The following KREMEN1 variants were observed in gnomAD, a reference collection of about 807,000 sequenced individuals.
KREMEN1 encodes kremen protein 1.
KREMEN1 carries 30 observed loss-of-function variants against 46.5 expected under a neutral mutation model. The ratio of observed to expected loss-of-function variants is 0.65; its 90% confidence interval spans 0.48 to 0.88. The LOEUF is 0.88. KREMEN1 is among the 40% of genes least tolerant of loss of function. The pLI is 0.00. For synonymous variants in KREMEN1, 214 were observed against 230.6 expected, an observed-to-expected ratio of 0.93 and a Z score of 0.65; for missense variants, 533 against 596.9, an observed-to-expected ratio of 0.89 and a Z score of 1.11.
intron 9 of KREMEN1, among the ~76,000 whole-genome samples, chr22:29,152,550 G>A (rs867694866): frequency 3.3e-5 from 5 of 152,114 alleles, no homozygotes; most frequent in Admixed American, 6.5e-5. Context: ...CCTTCTGTGC[G>A]CTGACTTACT....
intron 9 of KREMEN1, among the ~76,000 whole-genome samples, chr22:29,160,924 C>A (rs2039004848): frequency 6.6e-6 from 1 of 152,132 alleles, no homozygotes; most frequent in South Asian, 2.1e-4. Context: ...TACAAAGAAT[C>A]AGCAAAACCA....
chr22:29,137,236 C>T, intron 5 of KREMEN1, 106 bp from the exon 6 acceptor site: 1 of 748,208 alleles, frequency 1.3e-6, no homozygotes, highest in Non-Finnish European at 2.1e-6. Context: ...AAACAATGTC[C>T]TAAATGGGAT....
intron 5 of KREMEN1, among the ~76,000 whole-genome samples, chr22:29,131,738 G>GTA (rs1290213953): frequency 9.9e-5 from 13 of 131,974 alleles, no homozygotes; most frequent in East Asian, 8.4e-4. Flanking sequence ...GTATATATGT[G>GTA]TATATATATG....
At chr22:29,091,690 A>G (rs2037808713) in intron 1 of KREMEN1, among the ~76,000 whole-genome samples, 1 of 152,158 alleles carries the variant, frequency 6.6e-6, no homozygotes, top group Non-Finnish European at 1.5e-5. Context: ...TGGGATTGGG[A>G]TAGAGCTCTG....
At chr22:29,101,326 T>G (rs2037973459) in intron 3 of KREMEN1, among the ~76,000 whole-genome samples, 1 of 151,736 alleles carries the variant, frequency 6.6e-6, no homozygotes, top group Admixed American at 6.6e-5. Flanking sequence ...GTGTTTGTGT[T>G]GTAAGCTAAG....
intron 1 of KREMEN1, among the ~76,000 whole-genome samples, chr22:29,092,337 G>C (rs1364910053): frequency 6.6e-6 from 1 of 152,172 alleles, no homozygotes; most frequent in African/African-American, 2.4e-5. Context: ...TCCCTTATCT[G>C]TAAAATGGGG....
At chr22:29,105,033 C>T (rs2038033367) in intron 3 of KREMEN1, among the ~76,000 whole-genome samples, 1 of 152,192 alleles carries the variant, frequency 6.6e-6, no homozygotes, top group Non-Finnish European at 1.5e-5. Context: ...TGTTCTGCAG[C>T]CTGTGGGGAA....
chr22:29,125,058 G>A (rs1051510530), intron 4 of KREMEN1: 11 of 573,302 alleles, frequency 1.9e-5, no homozygotes, highest in South Asian at 6.8e-5. Context: ...GATGCTCGCC[G>A]ACAGGGAAAC....
intron 2 of KREMEN1, among the ~76,000 whole-genome samples, chr22:29,096,935 T>A (rs1336003896): frequency 1.3e-5 from 2 of 152,190 alleles, no homozygotes; most frequent in African/African-American, 4.8e-5. Context: ...CCCATCACAT[T>A]AGAGATGTCT....
rs373608153 is a variant in KREMEN1 at position 29,137,346 on chromosome 22, C to T, written c.636C>T (p.Leu212=). Reference sequence around the variant, plus strand: ...GTGTCTTTTTCTCTCCTACAGCTCTCGTGGGCGCCTGCGGTGGGAACTACT... The same window carrying T: ...GTGTCTTTTTCTCTCCTACAGCTCTTGTGGGCGCCTGCGGTGGGAACTACT... ...GDGRIILFDT[L]VGACGGNYSA... Residue 212 remains leucine, a synonymous_variant, in exon 6 of 9, where the codon CTC becomes CTT. Coordinates refer to ENST00000400335, the MANE Select transcript of KREMEN1 (RefSeq NM_001039570.3). The T allele has an allele frequency of 5.9e-4, 870 of 1,478,700 alleles. 3 individuals are homozygous for T. Among genetic ancestry groups the T allele is most frequent in the Non-Finnish European group, 7.0e-4 (775 of 1,108,828 alleles). The allele number at this position is 1,478,700 out of a possible 1,614,324, so 91.6% of individuals were successfully genotyped here. A position where few individuals can be genotyped will look rare whatever the true frequency, so the allele number is the denominator to read the frequency against.
intron 3 of KREMEN1, among the ~76,000 whole-genome samples, chr22:29,105,682 T>G (rs886962714): frequency 6.6e-6 from 1 of 152,162 alleles, no homozygotes; most frequent in Non-Finnish European, 1.5e-5. Context: ...AGGTGAGGGC[T>G]GAGTGTCTGA....
chr22:29,098,988 G>T, intron 3 of KREMEN1, 35 bp downstream of exon 3: 2 of 1,467,078 alleles, frequency 1.4e-6, no homozygotes, highest in Non-Finnish European at 1.9e-6. Context: ...TGGTTTACAG[G>T]ACTGTGAACA....
chr22:29,138,024 C>G (rs1471752887), intron 6 of KREMEN1, among the ~76,000 whole-genome samples: 1 of 152,220 alleles, frequency 6.6e-6, no homozygotes, highest in Admixed American at 6.5e-5. Flanking sequence ...CTGGTCCGTC[C>G]TCCTTCCTCT....
At position 29,073,404 on chromosome 22, in the gene KREMEN1, C is replaced by T. The variant is rs955340167; in HGVS notation, c.97+177C>T. 2.6e-5 allele frequency among the ~76,000 whole-genome samples: 4 copies of T among 151,702 alleles called. No individual in the cohort carries two copies. The highest frequency in any genetic ancestry group is 6.6e-5 in the Admixed American group (1 of 15,262). On this transcript the variant is annotated intron_variant, in intron 1 of 8. Transcript: ENST00000400335. The surrounding 1 kb of genome is among the most constrained non-coding windows in gnomAD (Gnocchi z 4.4). ...GGTCCCTTCCTGGGACCCGGGCTAC[C>T]CCCAGGCCCGTCATCGACGCCCCCG...
At chr22:29,110,346 G>C (rs2038127764) in intron 3 of KREMEN1, among the ~76,000 whole-genome samples, 1 of 152,212 alleles carries the variant, frequency 6.6e-6, no homozygotes, top group South Asian at 2.1e-4. Context: ...CATGAACTCA[G>C]AAGAAGTCCA....
intron 3 of KREMEN1, among the ~76,000 whole-genome samples, chr22:29,103,634 C>T (rs1416205909): frequency 1.3e-5 from 2 of 152,172 alleles, no homozygotes; most frequent in Non-Finnish European, 1.5e-5. Context: ...CTAGATCCCA[C>T]GCTTTAGATC....
intron 3 of KREMEN1, among the ~76,000 whole-genome samples, chr22:29,105,464 C>CACATACACACACAT: frequency 1.6e-5 from 2 of 122,340 alleles, no homozygotes; most frequent in Non-Finnish European, 3.4e-5. Context: ...TGCGTGTGCG[C>CACATACACACACAT]ACACACACAC....
chr22:29,135,431 C>G (rs1057136008), intron 5 of KREMEN1, among the ~76,000 whole-genome samples: 11 of 152,220 alleles, frequency 7.2e-5, no homozygotes, highest in African/African-American at 2.7e-4. Context: ...CTTCCCCTCT[C>G]CCAGCTGCCG....
intron 9 of KREMEN1, among the ~76,000 whole-genome samples, chr22:29,158,852 G>A (rs1451173264): frequency 6.6e-6 from 1 of 152,186 alleles, no homozygotes; most frequent in African/African-American, 2.4e-5. Context: ...TTTTGAGACG[G>A]AGTCTCAGTC....
Sources: allele counts gnomAD v4.1 joint callset (sites outside exome capture counted in the v4.1 genomes callset), GRCh38; gene constraint gnomAD v4.1.1; non-coding constraint Gnocchi (gnomAD v3.1); transcripts MANE v1.5; gene names NCBI Gene and HGNC (gene_info 2026-07-23, HGNC 2026-07-21).